FGFR3: variants seen among roughly 807,000 people sequenced by gnomAD.
FGFR3 encodes the protein FGFR-3.
FGFR3 carries 25 observed loss-of-function variants against 82.9 expected under a neutral mutation model. The observed-to-expected ratio is 0.30, with a 90% CI of 0.22 to 0.42. The LOEUF (loss-of-function observed/expected upper bound fraction) is 0.42, where lower values mean the gene tolerates loss of function less well. FGFR3 is among the 10% of genes least tolerant of loss of function. The probability of loss-of-function intolerance (pLI) is 1.00; values close to 1 mark genes in which losing one functional copy is unlikely to be tolerated. For missense variants in FGFR3, 1,026 were observed against 1,161.0 expected, an observed-to-expected ratio of 0.88 and a Z score of 1.69; for synonymous variants, 620 against 516.0, an observed-to-expected ratio of 1.20 and a Z score of -2.73.
intron 7 of FGFR3, chr4:1,803,100 C>T: frequency 6.6e-7 from 1 of 1,522,892 alleles, no homozygotes; most frequent in East Asian, 2.6e-5. Flanking sequence ...GGCACAAGAG[C>T]TCCAGCTCCA....
In FGFR3 at chr4:1,805,775, C is replaced by T. The variant is rs370408732; in HGVS notation, c.1671C>T (p.Tyr557=). The change falls in exon 13 of 18, where the codon TAC becomes TAT. Residue 557 remains tyrosine (Y), a synonymous_variant. Transcript: ENST00000440486. ...QGGPLYVLVE[Y]AAKGNLREFL... is the part of the protein sequence containing the mutation. Reference sequence around the variant, plus strand: ...GGCCCCTGTACGTGCTGGTGGAGTACGCGGCCAAGGGTAACCTGCGGGAGT... The same window carrying T: ...GGCCCCTGTACGTGCTGGTGGAGTATGCGGCCAAGGGTAACCTGCGGGAGT... The T allele has an allele frequency of 2.4e-4, 379 of 1,612,536 alleles. 1 individual carries two copies. The highest frequency in any genetic ancestry group is 1.9e-3 in the Admixed American group (117 of 60,000).
rs1720305713 is a variant in FGFR3, at chr4:1,794,973, G to C, written c.109+930G>C. ...ACAGACCGCGCATTGATGGCGGCTC[G>C]GCGGCTCGCGGGGAGGTGTGAGCGA... On this transcript the variant is annotated intron_variant, in intron 2 of 17. Transcript: ENST00000440486. 2.0e-5 allele frequency among the ~76,000 whole-genome samples: 3 copies of C among 151,688 alleles called. No homozygotes were observed. In the South Asian group the frequency reaches 6.2e-4, roughly 31 times the overall value.
rs4647924 is a variant in FGFR3, at chr4:1,801,844, C to A, written c.749C>A (p.Pro250Gln). ...TYTLDVLERS[P>Q]HRPILQAGLP... ...TCATCTGCCCCCACAGAGCGCTCCC[C>A]GCACCGGCCCATCCTGCAGGCGGGG... is the stretch of plus-strand genomic sequence containing the variant. The change falls in exon 7 of 18, where the codon CCG becomes CAG. Residue 250 changes from proline to glutamine, a missense_variant. Around this residue, in one of 9 missense-constraint regions of FGFR3, gnomAD observed 147 missense variants for 228.1 expected, o/e 0.64. Coordinates refer to ENST00000440486, the MANE Select transcript of FGFR3 (RefSeq NM_000142.5). The A allele has an allele frequency of 1.9e-6, 3 of 1,606,992 alleles. No homozygotes were observed. The highest frequency in any genetic ancestry group is 2.6e-6 in the Non-Finnish European group (3 of 1,176,246).
Position 1,801,375 on chromosome 4 carries a change from T to C in FGFR3, c.454T>C (p.Tyr152His). 1.9e-6 allele frequency: 3 copies of C among 1,556,110 alleles called. No individual in the cohort carries two copies. The highest frequency in any genetic ancestry group is 2.6e-6 in the Non-Finnish European group (3 of 1,151,654). The change falls in exon 5 of 18, where the codon TAC (tyrosine) becomes CAC (histidine). Residue 152 changes from tyrosine to histidine, a missense_variant. Tyr to His is a moderately conservative substitution (Grantham distance 83, BLOSUM62 2). Transcript: ENST00000440486. The stretch of plus-strand genomic sequence containing the variant: ...CGCACCTCGGCCCGCAGGGGCCCCT[T>C]ACTGGACACGGCCCGAGCGGATGGA... The part of the protein sequence containing the change: ...EDTGVDTGAP[Y>H]WTRPERMDKK...
intron 2 of FGFR3, among the ~76,000 whole-genome samples, chr4:1,797,193 G>C (rs2108764399): frequency 6.6e-6 from 1 of 152,266 alleles, no homozygotes; most frequent in South Asian, 2.1e-4. Flanking sequence ...GGCTGCTGGG[G>C]GGCTATAGCT....
In FGFR3 at chr4:1,793,930, C is replaced by T. The variant is rs1301099112; in HGVS notation, c.-5C>T. 2 of 1,286,600 alleles carry T rather than the reference C, an allele frequency of 1.6e-6. No individual in the cohort carries two copies. The highest frequency in any genetic ancestry group is 2.3e-5 in the South Asian group (1 of 42,634). 79.7% of individuals were successfully genotyped at this position (1,286,600 alleles called of 1,614,324 possible). ...CCTGAGGACGCCGCGGCCCCCGCCC[C>T]CGCCATGGGCGCCCCTGCCTGCGCC... On this transcript the variant is annotated 5_prime_UTR_variant, in exon 2 of 18. Coordinates refer to ENST00000440486, the MANE Select transcript of FGFR3 (RefSeq NM_000142.5).
Position 1,807,959 on chromosome 4 carries a change from A to C in FGFR3, c.*697A>C. On this transcript the variant is annotated 3_prime_UTR_variant, in exon 18 of 18. Coordinates refer to ENST00000440486, the MANE Select transcript of FGFR3 (RefSeq NM_000142.5). ...AAGGCTGGTACAACGGAGGCCTGCGACCCTGGGGGCACAGGAGGCAGGCAT... is the reference window on the plus strand; with the variant it reads ...AAGGCTGGTACAACGGAGGCCTGCGCCCCTGGGGGCACAGGAGGCAGGCAT... 4.0e-6 allele frequency: 1 copy of C among 247,908 alleles called. No individual in the cohort carries two copies. The highest frequency in any genetic ancestry group is 7.9e-6 in the Non-Finnish European group (1 of 127,092). 15.4% of individuals were successfully genotyped at this position (247,908 alleles called of 1,614,324 possible).
In FGFR3 at chr4:1,804,925, G is replaced by C; in HGVS notation, c.1368G>C (p.Glu456Asp). The change falls in exon 10 of 18, where the codon GAG becomes GAC. Residue 456 changes from glutamate (E) to aspartate (D), a missense_variant. By Grantham distance (45) the Glu-to-Asp change is conservative. Around this residue, in one of 9 missense-constraint regions of FGFR3, gnomAD observed 256 missense variants for 217.6 expected, o/e 1.18. Transcript: ENST00000440486. Reference sequence around the variant, plus strand: ...GCCCCACGCTGGCCAATGTCTCCGAGCTCGAGCTGCCTGCCGACCCCAAAT... The same window carrying C: ...GCCCCACGCTGGCCAATGTCTCCGACCTCGAGCTGCCTGCCGACCCCAAAT... ...GEGPTLANVSELELPADPKWE... is the reference protein window; with the variant it reads ...GEGPTLANVSDLELPADPKWE... 6.5e-7 allele frequency: 1 copy of C among 1,549,728 alleles called. No homozygotes were observed. Among genetic ancestry groups the C allele is most frequent in the Non-Finnish European group, 8.7e-7 (1 of 1,146,788 alleles).
rs771059356 is a variant in FGFR3 at position 1,806,138 on chromosome 4, G to A, written c.1924G>A (p.Val642Met). The A allele has an allele frequency of 1.2e-6, 2 of 1,613,130 alleles. No homozygotes were observed. The highest frequency in any genetic ancestry group is 8.5e-7 in the Non-Finnish European group (1 of 1,179,752). Residue 642 changes from valine (V) to methionine (M), a missense_variant, in exon 14 of 18, where the codon GTG becomes ATG. This residue lies in a region of FGFR3 where 45 missense variants were observed against 80.8 expected (regional missense o/e 0.56). Transcript: ENST00000440486. Reference sequence around the variant, plus strand: ...CGCAGACTTCGGGCTGGCCCGGGACGTGCACAACCTCGACTACTACAAGAA... The same window carrying A: ...CGCAGACTTCGGGCTGGCCCGGGACATGCACAACCTCGACTACTACAAGAA... ...KIADFGLARD[V>M]HNLDYYKKTT...
In FGFR3 at chr4:1,807,454, G is replaced by A. The variant is rs1321377862; in HGVS notation, c.*192G>A. 4.6e-6 allele frequency: 4 copies of A among 877,698 alleles called. No homozygotes were observed. The highest frequency in any genetic ancestry group is 1.7e-5 in the African/African-American group (1 of 60,374). 54.4% of individuals were successfully genotyped at this position (877,698 alleles called of 1,614,324 possible). ...GTGTGCCTGTGTGCGTGCGCATCTT[G>A]CCTCCAGGTGCAGAGGTACCCTGGG... is the stretch of plus-strand genomic sequence containing the variant. On this transcript the variant is annotated 3_prime_UTR_variant, in exon 18 of 18. Transcript: ENST00000440486.
chr4:1,805,457 A>G lies in FGFR3; in HGVS notation c.1515A>G (p.Val505=), dbSNP rs1721769429. ...DKDRAAKPVT[V]AVKMLKDDAT... ...ACCGGGCCGCCAAGCCTGTCACCGT[A>G]GCCGTGAAGATGCTGAAAGGTGAGG... is the stretch of plus-strand genomic sequence containing the variant. Residue 505 remains valine (V), a synonymous_variant, in exon 11 of 18, where the codon GTA becomes GTG. Transcript: ENST00000440486. 1.2e-6 allele frequency: 2 copies of G among 1,612,160 alleles called. No homozygotes were observed. Among genetic ancestry groups the G allele is most frequent in the Non-Finnish European group, 1.7e-6 (2 of 1,179,446 alleles).
chr4:1,804,452 A>G lies in FGFR3; in HGVS notation c.1198A>G (p.Ser400Gly), dbSNP rs373034495. 2.5e-6 allele frequency: 4 copies of G among 1,612,676 alleles called. No homozygotes were observed. The highest frequency in any genetic ancestry group is 2.7e-5 in the African/African-American group (2 of 74,916). ...VAAVTLCRLRSPPKKGLGSPT... is the reference protein window; with the variant it reads ...VAAVTLCRLRGPPKKGLGSPT... ...GGCTGTGACGCTCTGCCGCCTGCGC[A>G]GCCCCCCCAAGAAAGGCCTGGGCTC... Residue 400 changes from serine to glycine, a missense_variant, in exon 9 of 18, where the codon AGC (serine) becomes GGC (glycine). Ser to Gly is a moderately conservative substitution (Grantham distance 56). This residue lies in a region of FGFR3 where 256 missense variants were observed against 217.6 expected (regional missense o/e 1.18). Transcript: ENST00000440486.
chr4:1,798,918 G>A (rs985077638), intron 2 of FGFR3, among the ~76,000 whole-genome samples: 9 of 152,200 alleles, frequency 5.9e-5, no homozygotes, highest in African/African-American at 1.9e-4. Context: ...TTAAAAGAAC[G>A]AAGAGTCACA....
At position 1,805,350 on chromosome 4, in the gene FGFR3, G is replaced by C. The variant is rs754899022; in HGVS notation, c.1413-5G>C. On this transcript the variant is annotated splice_polypyrimidine_tract_variant and splice_region_variant and intron_variant, in intron 10 of 17. Coordinates refer to ENST00000440486, the MANE Select transcript of FGFR3 (RefSeq NM_000142.5). ...CACTCATGGTCCCTCTGCCTCCACT[G>C]CCAGGCTGACCCTGGGCAAGCCCCT... 6.2e-7 allele frequency: 1 copy of C among 1,611,314 alleles called. No homozygotes were observed. Among genetic ancestry groups the C allele is most frequent in the East Asian group, 2.2e-5 (1 of 44,880 alleles).
chr4:1,801,775 G>A (rs907538224), intron 6 of FGFR3, 32 bp downstream of exon 6: 2 of 1,586,906 alleles, frequency 1.3e-6, no homozygotes, highest in African/African-American at 1.3e-5. Flanking sequence ...GGGGGTGGGG[G>A]CGGCAGTGGC....
At chr4:1,802,870 G>C (rs763664674) in intron 7 of FGFR3, 33 of 1,551,062 alleles carry the variant, frequency 2.1e-5, no homozygotes, top group Non-Finnish European at 2.7e-5. Flanking sequence ...GCCCGGCGGG[G>C]CTGCCTCGGG....
At position 1,799,792 on chromosome 4, in the gene FGFR3, A is replaced by AGGACACAGGTGT. The variant is rs1030059712; in HGVS notation, c.436_445+2dup. On this transcript the variant is annotated inframe_insertion, in exon 4 of 18. Coordinates refer to ENST00000440486, the MANE Select transcript of FGFR3 (RefSeq NM_000142.5). ...GACGAAGACGGGGAGGACGAGGCTG[A>AGGACACAGGTGT]GGACACAGGTGTGGACACAGGTAGG... 1.9e-6 allele frequency: 3 copies of AGGACACAGGTGT among 1,612,840 alleles called. No homozygotes were observed. Among genetic ancestry groups the AGGACACAGGTGT allele is most frequent in the Non-Finnish European group, 2.5e-6 (3 of 1,179,936 alleles).
At position 1,804,892 on chromosome 4, in the gene FGFR3, A is replaced by G. The variant is rs1022906537; in HGVS notation, c.1335A>G (p.Ser445=). 25 of 1,549,784 alleles carry G rather than the reference A, an allele frequency of 1.6e-5. No individual in the cohort carries two copies. In the Middle Eastern group the frequency reaches 7.1e-4, roughly 44 times the overall value. Residue 445 remains serine, a synonymous_variant, in exon 10 of 18, where the codon TCA becomes TCG. Coordinates refer to ENST00000440486, the MANE Select transcript of FGFR3 (RefSeq NM_000142.5). The stretch of plus-strand genomic sequence containing the variant: ...TGGTGCGCATCGCAAGGCTGTCCTC[A>G]GGGGAGGGCCCCACGCTGGCCAATG... ...TPLVRIARLS[S]GEGPTLANVS... is the part of the protein sequence containing the mutation.
At position 1,808,673 on chromosome 4, in the gene FGFR3, A is replaced by G; in HGVS notation, c.*1411A>G. 4.3e-6 allele frequency: 1 copy of G among 232,020 alleles called. No homozygotes were observed. Among genetic ancestry groups the G allele is most frequent in the Non-Finnish European group, 8.5e-6 (1 of 117,114 alleles). The allele number at this position is 232,020 out of a possible 1,614,324, so 14.4% of individuals were successfully genotyped here. ...AAGCTTGGAGGGAAGCCGTGAATTC[A>G]GTTGGTTCGTTCTGTACTGTTACTG... On this transcript the variant is annotated 3_prime_UTR_variant, in exon 18 of 18. Coordinates refer to ENST00000440486, the MANE Select transcript of FGFR3 (RefSeq NM_000142.5).
Sources: gnomAD v4.1 joint callset for allele counts (sites outside exome capture counted in the v4.1 genomes callset) on GRCh38, gnomAD v4.1.1 for gene constraint, gnomAD v4.1.1 regional missense constraint, MANE v1.5 for transcripts, NCBI Gene and HGNC (gene_info 2026-07-23, HGNC 2026-07-21) for gene names.